The following PITPNM2 variants were observed in gnomAD, a reference collection of about 807,000 sequenced individuals.
The protein encoded by PITPNM2 is phosphatidylinositol transfer protein membrane associated 2.
In PITPNM2, 35 loss-of-function variants were observed where a neutral mutation model predicts 132.2. The ratio of observed to expected loss-of-function variants is 0.26; its 90% CI spans 0.20 to 0.35. The LOEUF (loss-of-function observed/expected upper bound fraction) is 0.35, where lower values mean the gene tolerates loss of function less well. Among genes scored for constraint, PITPNM2 ranks in the 10% least tolerant of loss-of-function variants. The probability of loss-of-function intolerance (pLI) is 1.00; values close to 1 mark genes in which losing one functional copy is unlikely to be tolerated. For synonymous variants in PITPNM2, 738 were observed against 799.2 expected (o/e 0.92, Z 1.29); for missense variants, 1,332 against 1,912.0 (o/e 0.70, Z 5.66).
intron 2 of PITPNM2, among the ~76,000 whole-genome samples, chr12:123,093,008 T>G (rs1002691832): frequency 2.0e-5 from 3 of 152,220 alleles, no homozygotes; most frequent in African/African-American, 7.2e-5. Context: ...TGACAAAATG[T>G]GGTCTTATAC....
At chr12:122,990,012 GGGGCCA>G in intron 17 of PITPNM2, 64 bp from the exon 18 acceptor site, 1 of 1,241,332 alleles carries the variant, frequency 8.1e-7, no homozygotes, top group Non-Finnish European at 1.0e-6. Context: ...ACGTCTACCA[GGGGCCA>G]GGCAGGACAC....
chr12:123,051,805 T>C (rs1194843621), intron 2 of PITPNM2, among the ~76,000 whole-genome samples: 1 of 152,206 alleles, frequency 6.6e-6, no homozygotes, highest in African/African-American at 2.4e-5. Flanking sequence ...CTCCAGCAAA[T>C]GCCTGAGTTA....
chr12:123,044,963 T>C (rs1057275915), intron 2 of PITPNM2, among the ~76,000 whole-genome samples: 2 of 152,142 alleles, frequency 1.3e-5, no homozygotes, highest in Non-Finnish European at 2.9e-5. Context: ...CAGTCTTCTT[T>C]GTTTCCTCAA....
At chr12:123,103,134 C>T (rs1248767204) in intron 2 of PITPNM2, among the ~76,000 whole-genome samples, 2 of 152,184 alleles carry the variant, frequency 1.3e-5, no homozygotes, top group Non-Finnish European at 2.9e-5. Context: ...GACACAAGGC[C>T]TCTGGTTTGT....
intron 3 of PITPNM2, among the ~76,000 whole-genome samples, chr12:123,021,029 C>CA (rs910751492): frequency 0.048 from 1,206 of 24,992 alleles, 50 homozygotes; most frequent in Middle Eastern, 0.1. Context: ...AATTCCATCT[C>CA]AAAAAAAAAA....
chr12:123,047,182 C>T lies in PITPNM2; in HGVS notation c.-95-12497G>A, dbSNP rs781406997. Among the ~76,000 whole-genome samples, 80 of 152,214 alleles carry T rather than the reference C, an allele frequency of 5.3e-4. 1 individual carries two copies. Among genetic ancestry groups the T allele is most frequent in the Non-Finnish European group, 3.1e-4 (21 of 68,040 alleles). Reference sequence around the variant, plus strand: ...GCGTGAAAGGTGGCTGCACCTGACTCTGGATACAACACAAGCTAACAGCTG... The same window carrying T: ...GCGTGAAAGGTGGCTGCACCTGACTTTGGATACAACACAAGCTAACAGCTG... On this transcript the variant is annotated intron_variant, in intron 2 of 25. Transcript: ENST00000320201.
intron 1 of PITPNM2, among the ~76,000 whole-genome samples, chr12:123,134,777 C>T (rs532437281): frequency 6.6e-6 from 1 of 152,230 alleles, no homozygotes; most frequent in Admixed American, 6.5e-5. Context: ...TAACATAAAG[C>T]TCAGGGCCAG....
chr12:123,052,077 G>GTTTT (rs10606016), intron 2 of PITPNM2, among the ~76,000 whole-genome samples: 8 of 100,604 alleles, frequency 8.0e-5, no homozygotes, highest in South Asian at 3.6e-4. Context: ...TAATTTTATT[G>GTTTT]TTTTTTTTTT....
chr12:123,047,617 C>T (rs1205906261), intron 2 of PITPNM2, among the ~76,000 whole-genome samples: 3 of 152,176 alleles, frequency 2.0e-5, no homozygotes, highest in Non-Finnish European at 4.4e-5. Flanking sequence ...ACTCCATGCA[C>T]CTAACAAATG....
chr12:123,148,763 C>A (rs772150221), intron 1 of PITPNM2, among the ~76,000 whole-genome samples: 1 of 152,124 alleles, frequency 6.6e-6, no homozygotes, highest in Non-Finnish European at 1.5e-5. Context: ...ACTAACCGCC[C>A]AGGAGCTCAC....
intron 2 of PITPNM2, among the ~76,000 whole-genome samples, chr12:123,072,152 G>T (rs910919850): frequency 3.9e-5 from 6 of 152,228 alleles, no homozygotes; most frequent in African/African-American, 1.4e-4. Context: ...CAGGAAAAGT[G>T]AGGACGCTGG....
chr12:123,021,678 T>C, intron 3 of PITPNM2: 1 of 985,362 alleles, frequency 1.0e-6, no homozygotes, highest in Middle Eastern at 5.2e-4. Context: ...GCATGGAGTT[T>C]ACCTTCAGCT....
rs2136484536 is a variant in PITPNM2, at chr12:123,036,828, T to A, written c.-95-2143A>T. 6.6e-6 allele frequency among the ~76,000 whole-genome samples: 1 copy of A among 152,236 alleles called. No homozygotes were observed. Among genetic ancestry groups the A allele is most frequent in the South Asian group, 2.1e-4 (1 of 4,824 alleles). On this transcript the variant is annotated intron_variant, in intron 2 of 25. Coordinates refer to ENST00000320201, the MANE Select transcript of PITPNM2 (RefSeq NM_020845.3). This position sits in a 1 kb window ranked among gnomAD's most constrained non-coding sequence, Gnocchi z 4.1. Reference sequence around the variant, plus strand: ...GTGGCCCCAGGCCCTGCTATATCCATAAGGACTCTTGCTAGGAGGGGCTTC... The same window carrying A: ...GTGGCCCCAGGCCCTGCTATATCCAAAAGGACTCTTGCTAGGAGGGGCTTC...
rs1016724833 is a variant in PITPNM2 at position 123,095,080 on chromosome 12, G to A, written c.-96+15305C>T. ...TTCGGGGCACTGGGGCTCACAGCAC[G>A]GCAGTGCGTCCACATTAGGGTGGCT... On this transcript the variant is annotated intron_variant, in intron 2 of 25. Transcript: ENST00000320201. This position sits in a 1 kb window ranked among gnomAD's most constrained non-coding sequence, Gnocchi z 5.0. Among the ~76,000 whole-genome samples, 2 of 152,172 alleles carry A rather than the reference G, an allele frequency of 1.3e-5. No homozygotes were observed. The highest frequency in any genetic ancestry group is 2.4e-5 in the African/African-American group (1 of 41,444).
chr12:123,127,906 G>C (rs1190160113), intron 1 of PITPNM2, among the ~76,000 whole-genome samples: 1 of 151,958 alleles, frequency 6.6e-6, no homozygotes, highest in Non-Finnish European at 1.5e-5. Flanking sequence ...ACCGCGCCCA[G>C]CCTGCCTCTT....
In PITPNM2 at chr12:123,004,086, C is replaced by A. The variant is rs1473820618; in HGVS notation, c.1048+308G>T. On this transcript the variant is annotated intron_variant, in intron 8 of 25. Coordinates refer to ENST00000320201, the MANE Select transcript of PITPNM2 (RefSeq NM_020845.3). The surrounding 1 kb of genome is among the most constrained non-coding windows in gnomAD (Gnocchi z 4.9). ...AAATAAATTCACATACGGAATAAAG[C>A]CCTAGTCTGATGGTGTATCCTTATT... 6.6e-6 allele frequency among the ~76,000 whole-genome samples: 1 copy of A among 152,152 alleles called. No individual in the cohort carries two copies. Among genetic ancestry groups the A allele is most frequent in the Admixed American group, 6.5e-5 (1 of 15,278 alleles).
rs542417278 is a variant in PITPNM2 at position 122,993,869 on chromosome 12, A to AT, written c.2233+931dup. On this transcript the variant is annotated intron_variant, in intron 15 of 25. Coordinates refer to ENST00000320201, the MANE Select transcript of PITPNM2 (RefSeq NM_020845.3). The surrounding 1 kb of genome is among the most constrained non-coding windows in gnomAD (Gnocchi z 5.2). ...TTGGGTGCTGAGTCCAGAGGTCTGC[A>AT]TTTTTTTTTTTCTTTTTTTTTGAGA... 1.2e-3 allele frequency among the ~76,000 whole-genome samples: 170 copies of AT among 144,446 alleles called. 1 individual carries two copies. The highest frequency in any genetic ancestry group is 9.4e-4 in the Non-Finnish European group (62 of 65,644). 94.8% of individuals were successfully genotyped at this position (144,446 alleles called of 152,430 possible). A position where few individuals can be genotyped will look rare whatever the true frequency, so the allele number is the denominator to read the frequency against.
At chr12:123,073,685 G>C (rs2041685227) in intron 2 of PITPNM2, among the ~76,000 whole-genome samples, 1 of 152,160 alleles carries the variant, frequency 6.6e-6, no homozygotes, top group African/African-American at 2.4e-5. Flanking sequence ...AAGAAAGGGA[G>C]CCACTCTGCT....
chr12:123,124,855 A>G (rs1252161868), intron 1 of PITPNM2, among the ~76,000 whole-genome samples: 1 of 152,188 alleles, frequency 6.6e-6, no homozygotes, highest in African/African-American at 2.4e-5. Context: ...CTGAACTGTA[A>G]TCTATGAGTT....
Sources: gnomAD v4.1 joint callset for allele counts (sites outside exome capture counted in the v4.1 genomes callset) on GRCh38, gnomAD v4.1.1 for gene constraint, Gnocchi (gnomAD v3.1) non-coding constraint, MANE v1.5 for transcripts, NCBI Gene and HGNC (gene_info 2026-07-23, HGNC 2026-07-21) for gene names.